HEXD: variants seen among roughly 807,000 people sequenced by gnomAD.
The protein encoded by HEXD is hexosaminidase D, also known as N-acetyl-beta-galactosaminidase.
A neutral mutation model predicts 54.2 loss-of-function variants in HEXD; 47 were observed. The ratio of observed to expected loss-of-function variants is 0.87; its 90% CI spans 0.69 to 1.11. The LOEUF (loss-of-function observed/expected upper bound fraction) is 1.11. Ranked by LOEUF, HEXD falls within the 50% of genes least tolerant of loss-of-function variation. The pLI is 0.00. For missense variants in HEXD, 576 were observed against 649.2 expected (o/e 0.89, Z 1.23); for synonymous variants, 293 against 287.6 (o/e 1.02, Z -0.19).
chr17:82,439,857 C>G (rs561425829), intron 9 of HEXD, 144 bp downstream of exon 9: 132 of 1,544,566 alleles, frequency 8.5e-5, no homozygotes, highest in Middle Eastern at 3.3e-4. Context: ...CGCCCCAGCT[C>G]AGCCACCCAC....
At chr17:82,439,943 G>A (rs1430313781) in intron 9 of HEXD, 58 of 1,509,176 alleles carry the variant, frequency 3.8e-5, no homozygotes, top group Middle Eastern at 3.4e-4. Context: ...GGAGAGTGAC[G>A]CGGGAGGCAC....
At position 82,439,689 on chromosome 17, in the gene HEXD, G is replaced by A. The variant is rs373206474; in HGVS notation, c.958G>A (p.Ala320Thr). ...GCCCGCAGGAGTCCCGTCCCTGGCC[G>A]CCTGCCTGCAGTTGCTTCTACGCGG... is the stretch of plus-strand genomic sequence containing the variant. The part of the protein sequence containing the change: ...LLPAGVPSLA[A>T]CLQLLLRGGF... The change falls in exon 9 of 13, where the codon GCC becomes ACC. Residue 320 changes from alanine to threonine, a missense_variant. By Grantham distance (58) the Ala-to-Thr change is moderately conservative. Transcript: ENST00000327949. The A allele has an allele frequency of 1.0e-5, 16 of 1,599,040 alleles. No homozygotes were observed. The highest frequency in any genetic ancestry group is 2.2e-5 in the South Asian group (2 of 90,878).
chr17:82,418,555 G>T lies in HEXD; in HGVS notation c.-237G>T. On this transcript the variant is annotated 5_prime_UTR_variant, in exon 1 of 13. Coordinates refer to ENST00000327949, the MANE Select transcript of HEXD (RefSeq NM_001330542.2). ...CCGGGGACGAACGCCGTAACAGGGA[G>T]CGCGAGGCAGGCACGGCGCAGGGAC... The T allele has an allele frequency of 1.2e-6, 1 of 859,046 alleles. No homozygotes were observed. The highest frequency in any genetic ancestry group is 1.6e-6 in the Non-Finnish European group (1 of 638,076). 53.2% of individuals were successfully genotyped at this position (859,046 alleles called of 1,614,324 possible). A position where few individuals can be genotyped will look rare whatever the true frequency, so the allele number is the denominator to read the frequency against.
intron 4 of HEXD, among the ~76,000 whole-genome samples, chr17:82,433,306 G>A (rs2053665089): frequency 1.3e-5 from 2 of 151,196 alleles, no homozygotes. Context: ...GCCAGGCGTG[G>A]TGGCACATGC....
chr17:82,422,561 G>A (rs1412769610), intron 2 of HEXD, among the ~76,000 whole-genome samples: 2 of 151,758 alleles, frequency 1.3e-5, no homozygotes, highest in Non-Finnish European at 2.9e-5. Context: ...TGCCTGTGGA[G>A]CTCAGAAATG....
intron 4 of HEXD, 142 bp downstream of exon 4, chr17:82,428,787 C>A (rs76117942): frequency 0.019 from 12,838 of 685,312 alleles, 175 homozygotes; most frequent in Admixed American, 0.045. Flanking sequence ...CATGGAAAGG[C>A]CTTTGGTCTA....
At chr17:82,424,923 A>AGAGAAGGCTGGAGAAGGCTG (rs766213754) in intron 3 of HEXD, among the ~76,000 whole-genome samples, 1 of 151,760 alleles carries the variant, frequency 6.6e-6, no homozygotes, top group African/African-American at 2.4e-5. Flanking sequence ...GGAGAAGGCT[A>AGAGAAGGCTGGAGAAGGCTG]GAGAAGGCTG....
In HEXD at chr17:82,442,558, CAGAA is replaced by C; in HGVS notation, c.*175_*178del. The C allele has an allele frequency of 6.3e-7, 1 of 1,583,816 alleles. No individual in the cohort carries two copies. The highest frequency in any genetic ancestry group is 1.1e-5 in the South Asian group (1 of 90,188). On this transcript the variant is annotated 3_prime_UTR_variant, in exon 13 of 13. Transcript: ENST00000327949. This position sits in a 1 kb window ranked among gnomAD's most constrained non-coding sequence, Gnocchi z 6.8. ...CCCCTGGGGGAGAGACTAGAAAACA[CAGAA>C]GGAAGCAGCACAGGGAGACCCGCTT...
chr17:82,433,124 ATATAT>A (rs1205730794), intron 4 of HEXD, among the ~76,000 whole-genome samples: 8 of 16,040 alleles, frequency 5.0e-4, no homozygotes, highest in Non-Finnish European at 6.2e-4. Flanking sequence ...ATATATATAT[ATATAT>A]TTTTTTTTTT....
intron 9 of HEXD, chr17:82,440,760 CT>C: frequency 1.8e-6 from 1 of 562,940 alleles, no homozygotes; most frequent in Non-Finnish European, 3.1e-6. Context: ...GCAACACAGT[CT>C]TACTTCTGTT....
intron 8 of HEXD, among the ~76,000 whole-genome samples, chr17:82,438,813 G>A (rs988810569): frequency 6.6e-6 from 1 of 152,272 alleles, no homozygotes; most frequent in South Asian, 2.1e-4. Flanking sequence ...AGCTGGCAGC[G>A]GCTCTGCAGA....
At position 82,420,748 on chromosome 17, in the gene HEXD, A is replaced by G. The variant is rs1431790666; in HGVS notation, c.84+865A>G. On this transcript the variant is annotated intron_variant, in intron 2 of 12. Transcript: ENST00000327949. ...ATGCCTGGCTAATTTTTGTATTTTT[A>G]GTAGAGACGGGGTTTCACCACATTG... Among the ~76,000 whole-genome samples the G allele has an allele frequency of 2.0e-5, 3 of 152,210 alleles. No individual in the cohort carries two copies. In the South Asian group the frequency reaches 6.2e-4, roughly 32 times the overall value.
intron 4 of HEXD, among the ~76,000 whole-genome samples, chr17:82,430,558 T>G (rs983407554): frequency 3.9e-5 from 6 of 152,126 alleles, no homozygotes; most frequent in Non-Finnish European, 8.8e-5. Flanking sequence ...CGGCTAACTT[T>G]TTATCTTTTT....
At position 82,439,749 on chromosome 17, in the gene HEXD, C is replaced by T. The variant is rs752640453; in HGVS notation, c.982+36C>T. 20 of 1,598,612 alleles carry T rather than the reference C, an allele frequency of 1.3e-5. No homozygotes were observed. The Admixed American group carries it at 2.3e-4, about 19-fold the overall frequency. On this transcript the variant is annotated intron_variant, in intron 9 of 12. Transcript: ENST00000327949. ...TCTGGCCACCCCAAGCCCCACCGGC[C>T]CCTCCCCGAAAGACCCGGAGGGCAG...
rs576426960 is a variant in HEXD, at chr17:82,439,261, G to C, written c.900-370G>C. 2.6e-4 allele frequency among the ~76,000 whole-genome samples: 39 copies of C among 152,306 alleles called. No homozygotes were observed. In the South Asian group the frequency reaches 6.8e-3, roughly 27 times the overall value. On this transcript the variant is annotated intron_variant, in intron 8 of 12. Transcript: ENST00000327949. ...AGGAGGGGCCCGGAGGCCCTAGGAG[G>C]GGGGCGTCAAGGGCAGCCCCCAGAA...
In HEXD at chr17:82,439,621, A is replaced by T; in HGVS notation, c.900-10A>T. The T allele has an allele frequency of 1.3e-6, 2 of 1,534,686 alleles. No homozygotes were observed. The highest frequency in any genetic ancestry group is 1.8e-6 in the Non-Finnish European group (2 of 1,140,050). On this transcript the variant is annotated splice_polypyrimidine_tract_variant and intron_variant, in intron 8 of 12. Coordinates refer to ENST00000327949, the MANE Select transcript of HEXD (RefSeq NM_001330542.2). ...GGCTGCGGAGCTAAGCGCCCCTCTC[A>T]TGGACCCAGGTACGACCACTACTCT...
intron 9 of HEXD, chr17:82,440,543 C>T (rs1026497387): frequency 3.7e-5 from 12 of 326,478 alleles, no homozygotes; most frequent in African/African-American, 2.4e-4. Context: ...GGCCGTCAGC[C>T]TCTTGCAGCA....
chr17:82,442,283 A>G lies in HEXD; in HGVS notation c.1360A>G (p.Ser454Gly). 6.2e-7 allele frequency: 1 copy of G among 1,607,880 alleles called. No homozygotes were observed. Among genetic ancestry groups the G allele is most frequent in the Non-Finnish European group, 8.5e-7 (1 of 1,179,920 alleles). ...EEWLEENVHPSLQRLQALLQD... is the reference protein window; with the variant it reads ...EEWLEENVHPGLQRLQALLQD... ...GTGGCTGGAGGAAAACGTGCACCCC[A>G]GCCTGCAGCGGCTGCAAGCTCTGCT... Residue 454 changes from serine (S) to glycine (G), a missense_variant, in exon 13 of 13, where the codon AGC becomes GGC. By Grantham distance (56) the Ser-to-Gly change is moderately conservative. Coordinates refer to ENST00000327949, the MANE Select transcript of HEXD (RefSeq NM_001330542.2). The surrounding 1 kb of genome is among the most constrained non-coding windows in gnomAD (Gnocchi z 6.8).
intron 2 of HEXD, among the ~76,000 whole-genome samples, chr17:82,421,115 A>G (rs2053223286): frequency 6.6e-6 from 1 of 152,188 alleles, no homozygotes; most frequent in East Asian, 1.9e-4. Flanking sequence ...GGTCTCCCAT[A>G]GCGAGAAGTG....
Sources: gnomAD v4.1 joint callset for allele counts (sites outside exome capture counted in the v4.1 genomes callset) on GRCh38, gnomAD v4.1.1 for gene constraint, Gnocchi (gnomAD v3.1) non-coding constraint, MANE v1.5 for transcripts, NCBI Gene and HGNC (gene_info 2026-07-23, HGNC 2026-07-21) for gene names.